The following PRDM16 variants were observed in gnomAD, a reference collection of about 807,000 sequenced individuals.
PRDM16 encodes histone-lysine N-methyltransferase PRDM16.
PRDM16 carries 23 observed loss-of-function variants against 110.6 expected under a neutral mutation model. The observed-to-expected ratio is 0.21, with a 90% CI of 0.15 to 0.29. The LOEUF (loss-of-function observed/expected upper bound fraction) is 0.29. PRDM16 is among the 10% of genes least tolerant of loss of function. PRDM16 has a pLI of 1.00. For missense variants in PRDM16, 1,615 were observed against 1,794.3 expected, an observed-to-expected ratio of 0.90 and a Z score of 1.81; for synonymous variants, 799 against 781.8, an observed-to-expected ratio of 1.02 and a Z score of -0.37.
intron 2 of PRDM16, among the ~76,000 whole-genome samples, chr1:3,188,329 G>C: frequency 6.6e-6 from 1 of 152,194 alleles, no homozygotes; most frequent in Non-Finnish European, 1.5e-5. Context: ...ATGACCTTCA[G>C]GTGACTTTGT....
At chr1:3,369,119 C>T (rs1026678244) in intron 3 of PRDM16, among the ~76,000 whole-genome samples, 1 of 152,162 alleles carries the variant, frequency 6.6e-6, no homozygotes, top group Admixed American at 6.5e-5. Flanking sequence ...GGGACACACT[C>T]TTAATTCCTT....
At chr1:3,269,747 A>G (rs1640389192) in intron 3 of PRDM16, among the ~76,000 whole-genome samples, 1 of 147,878 alleles carries the variant, frequency 6.8e-6, no homozygotes, top group African/African-American at 2.5e-5. Context: ...GACAGTCAGG[A>G]GGAGCATAGT....
intron 3 of PRDM16, among the ~76,000 whole-genome samples, chr1:3,363,438 C>T (rs980491594): frequency 2.0e-5 from 3 of 152,166 alleles, no homozygotes; most frequent in African/African-American, 7.2e-5. Context: ...CCTGGATGCT[C>T]GGGGCCGAGG....
At chr1:3,186,928 C>T (rs916300945) in intron 2 of PRDM16, among the ~76,000 whole-genome samples, 2 of 152,232 alleles carry the variant, frequency 1.3e-5, no homozygotes, top group African/African-American at 4.8e-5. Flanking sequence ...CCCCGCCTGC[C>T]CCGGTCAGCC....
At chr1:3,261,127 G>GAAAA (rs36004351) in intron 3 of PRDM16, among the ~76,000 whole-genome samples, 3 of 139,482 alleles carry the variant, frequency 2.2e-5, no homozygotes, top group Non-Finnish European at 4.6e-5. Flanking sequence ...GCATTAACAA[G>GAAAA]AAAAAAAAAA....
chr1:3,312,347 C>T (rs1641481526), intron 3 of PRDM16, among the ~76,000 whole-genome samples: 1 of 152,200 alleles, frequency 6.6e-6, no homozygotes, highest in South Asian at 2.1e-4. Flanking sequence ...TCTCACTGGG[C>T]CGGTGACATG....
intron 1 of PRDM16, among the ~76,000 whole-genome samples, chr1:3,071,114 C>G (rs1382712534): frequency 2.0e-5 from 3 of 152,274 alleles, no homozygotes; most frequent in South Asian, 2.1e-4. Context: ...GCCGCCAGGT[C>G]AGGCCCTCGC....
chr1:3,282,318 C>T (rs1337755398), intron 3 of PRDM16, among the ~76,000 whole-genome samples: 1 of 152,202 alleles, frequency 6.6e-6, no homozygotes, highest in Non-Finnish European at 1.5e-5. Context: ...TAGCAGGGCG[C>T]TGCCTGTGTG....
intron 1 of PRDM16, among the ~76,000 whole-genome samples, chr1:3,141,848 G>A (rs991352372): frequency 3.9e-5 from 6 of 152,152 alleles, no homozygotes; most frequent in African/African-American, 7.2e-5. Context: ...GCCTTCAGTC[G>A]GTCAGATGGA....
intron 2 of PRDM16, among the ~76,000 whole-genome samples, chr1:3,211,645 T>TGGGGGCCGGCGCTGGTGGTC (rs1553147308): frequency 6.6e-6 from 1 of 152,186 alleles, no homozygotes; most frequent in Non-Finnish European, 1.5e-5. Context: ...GCCGCAGCAG[T>TGGGGGCCGGCGCTGGTGGTC]GGGGGCCGGC....
intron 8 of PRDM16, among the ~76,000 whole-genome samples, chr1:3,409,953 T>G (rs1483891835): frequency 2.8e-5 from 3 of 108,530 alleles, no homozygotes; most frequent in Non-Finnish European, 5.4e-5. Context: ...TGGGTGTGTG[T>G]GCGTGTGGGG....
At chr1:3,349,249 C>T (rs768236798) in intron 3 of PRDM16, among the ~76,000 whole-genome samples, 77 of 152,294 alleles carry the variant, frequency 5.1e-4, no homozygotes, top group Admixed American at 1.1e-3. Context: ...TGAGGGTCCC[C>T]GCCCCACGGG....
intron 3 of PRDM16, among the ~76,000 whole-genome samples, chr1:3,282,964 C>T (rs1640742890): frequency 6.6e-6 from 1 of 152,236 alleles, no homozygotes; most frequent in Non-Finnish European, 1.5e-5. Flanking sequence ...TCCCTTCCTT[C>T]TGAGTTTTCT....
chr1:3,120,064 G>A (rs1366917616), intron 1 of PRDM16, among the ~76,000 whole-genome samples: 3 of 138,132 alleles, frequency 2.2e-5, no homozygotes, highest in Non-Finnish European at 4.7e-5. Context: ...AGGGGCAGGT[G>A]GAAGTGGTCA....
At chr1:3,234,550 G>A (rs1371061550) in intron 2 of PRDM16, among the ~76,000 whole-genome samples, 2 of 152,152 alleles carry the variant, frequency 1.3e-5, no homozygotes, top group Non-Finnish European at 2.9e-5. Context: ...CTGTCAGGGT[G>A]GCCAGGGCAG....
In PRDM16 at chr1:3,412,212, A is replaced by G; in HGVS notation, c.2015A>G (p.His672Arg). ...VAEVPVFYSQ[H>R]SFFPPPDEQL... is the part of the protein sequence containing the mutation. Reference sequence around the variant, plus strand: ...GAGGTGCCTGTCTTCTATTCCCAGCACTCATTCTTCCCGCCACCCGACGAG... The same window carrying G: ...GAGGTGCCTGTCTTCTATTCCCAGCGCTCATTCTTCCCGCCACCCGACGAG... Residue 672 changes from histidine to arginine, a missense_variant, in exon 9 of 17, where the codon CAC becomes CGC. Physicochemically the swap from His to Arg is conservative, Grantham distance 29. This residue lies in a region of PRDM16 where 772 missense variants were observed against 748.3 expected (regional missense o/e 1.03). Coordinates refer to ENST00000270722, the MANE Select transcript of PRDM16 (RefSeq NM_022114.4). The G allele has an allele frequency of 6.2e-7, 1 of 1,606,052 alleles. No homozygotes were observed. The highest frequency in any genetic ancestry group is 8.5e-7 in the Non-Finnish European group (1 of 1,174,632).
chr1:3,335,001 C>T (rs1012679805), intron 3 of PRDM16, among the ~76,000 whole-genome samples: 1 of 152,214 alleles, frequency 6.6e-6, no homozygotes, highest in Non-Finnish European at 1.5e-5. Context: ...AGGCTCAGAG[C>T]CAGAGTCCCC....
At chr1:3,138,584 G>A (rs1243813393) in intron 1 of PRDM16, among the ~76,000 whole-genome samples, 1 of 152,262 alleles carries the variant, frequency 6.6e-6, no homozygotes, top group Non-Finnish European at 1.5e-5. Context: ...GTTTGGGAGA[G>A]GTGGGCAAAG....
chr1:3,432,165 C>T (rs762095052), intron 16 of PRDM16, 25 bp downstream of exon 16: 62 of 1,603,316 alleles, frequency 3.9e-5, no homozygotes, highest in Non-Finnish European at 5.0e-5. Flanking sequence ...GAGCCCCTCC[C>T]CCACCCCACC....
Sources: gnomAD v4.1 joint callset for allele counts (sites outside exome capture counted in the v4.1 genomes callset) on GRCh38, gnomAD v4.1.1 for gene constraint, gnomAD v4.1.1 regional missense constraint, MANE v1.5 for transcripts, NCBI Gene and HGNC (gene_info 2026-07-23, HGNC 2026-07-21) for gene names.